NBAS: variants seen among roughly 807,000 people sequenced by gnomAD.
The protein encoded by NBAS is NBAS subunit of NRZ tethering complex.
Under a neutral mutation model 302.5 loss-of-function variants are expected in NBAS, and 219 were observed. That is an observed-to-expected ratio of 0.72 (90% CI 0.65 to 0.81). NBAS has a LOEUF of 0.81. Among genes scored for constraint, NBAS ranks in the 30% least tolerant of loss-of-function variants. The pLI, the probability that NBAS is intolerant of heterozygous loss-of-function variation, is 0.00. For synonymous variants in NBAS, 1,118 were observed against 1,021.6 expected (o/e 1.09, Z -1.80); for missense variants, 2,932 against 2,841.6 (o/e 1.03, Z -0.72).
intron 25 of NBAS, among the ~76,000 whole-genome samples, chr2:15,408,407 C>A (rs1572801114): frequency 6.6e-6 from 1 of 152,076 alleles, no homozygotes; most frequent in East Asian, 1.9e-4. Context: ...AATTTATACA[C>A]TGAATGCTTT....
chr2:15,047,474 G>T, the NBAS span, among the ~76,000 whole-genome samples: 13 of 151,806 alleles, frequency 8.6e-5, no homozygotes, highest in Non-Finnish European at 1.5e-4. Context: ...GCAGGTAAAG[G>T]CTGGCCTTAT....
At chr2:15,478,604 T>G (rs563798945) in intron 12 of NBAS, among the ~76,000 whole-genome samples, 1 of 152,194 alleles carries the variant, frequency 6.6e-6, no homozygotes, top group African/African-American at 2.4e-5. Flanking sequence ...CATGCACACA[T>G]GTGATGAATA....
At chr2:15,121,218 C>A in the NBAS span, among the ~76,000 whole-genome samples, 1 of 152,148 alleles carries the variant, frequency 6.6e-6, no homozygotes, top group African/African-American at 2.4e-5. Context: ...GCTTTGACAT[C>A]CTGAAGAACA....
At position 15,396,494 on chromosome 2, in the gene NBAS, A is replaced by G; in HGVS notation, c.3072-19T>C. The G allele has an allele frequency of 7.6e-7, 1 of 1,314,130 alleles. No individual in the cohort carries two copies. Among genetic ancestry groups the G allele is most frequent in the South Asian group, 1.6e-5 (1 of 62,472 alleles). The allele number at this position is 1,314,130 out of a possible 1,614,324, so 81.4% of individuals were successfully genotyped here. A position where few individuals can be genotyped will look rare whatever the true frequency, so the allele number is the denominator to read the frequency against. ...CTTATCACTAATAAATTAAAAGAAGAAAAAAAAAAGCCCTTAAGTTTAGTA... is the reference window on the plus strand; with the variant it reads ...CTTATCACTAATAAATTAAAAGAAGGAAAAAAAAAGCCCTTAAGTTTAGTA... On this transcript the variant is annotated intron_variant, in intron 26 of 51. Coordinates refer to ENST00000281513, the MANE Select transcript of NBAS (RefSeq NM_015909.4).
At chr2:15,211,000 G>A (rs1666382613) in intron 48 of NBAS, among the ~76,000 whole-genome samples, 1 of 152,136 alleles carries the variant, frequency 6.6e-6, no homozygotes, top group Non-Finnish European at 1.5e-5. Context: ...TGTTACAGGG[G>A]AAGTGGATGA....
At chr2:15,356,619 T>C (rs1004946371) in intron 32 of NBAS, among the ~76,000 whole-genome samples, 1 of 152,200 alleles carries the variant, frequency 6.6e-6, no homozygotes, top group Non-Finnish European at 1.5e-5. Context: ...AAGAGATCAA[T>C]GATTAATATT....
intron 35 of NBAS, among the ~76,000 whole-genome samples, chr2:15,350,020 C>G (rs930433609): frequency 6.6e-6 from 1 of 151,968 alleles, no homozygotes; most frequent in Admixed American, 6.6e-5. Flanking sequence ...ACATTACAAC[C>G]CTCTTTGAGA....
At chr2:15,093,695 T>A in the NBAS span, among the ~76,000 whole-genome samples, 2 of 151,958 alleles carry the variant, frequency 1.3e-5, no homozygotes, top group African/African-American at 2.4e-5. Flanking sequence ...TGTCCAACAC[T>A]GGTTAAATAA....
intron 11 of NBAS, among the ~76,000 whole-genome samples, chr2:15,499,062 G>A (rs1471866491): frequency 6.6e-6 from 1 of 151,750 alleles, no homozygotes; most frequent in African/African-American, 2.4e-5. Context: ...CCAAGTAGCT[G>A]AAATGACAAG....
In NBAS at chr2:15,553,484, G is replaced by C. The variant is rs199665424; in HGVS notation, c.288-11C>G. ...AAAAGCTTTCCATTGCTTTTATGGAGAAGAAAGAGGGGGAAGAAAATCTAT... is the reference window on the plus strand; with the variant it reads ...AAAAGCTTTCCATTGCTTTTATGGACAAGAAAGAGGGGGAAGAAAATCTAT... On this transcript the variant is annotated splice_polypyrimidine_tract_variant and intron_variant, in intron 4 of 51. Transcript: ENST00000281513. 4.1e-4 allele frequency: 659 copies of C among 1,606,950 alleles called. No homozygotes were observed. The highest frequency in any genetic ancestry group is 1.2e-3 in the Admixed American group (70 of 60,010).
In NBAS at chr2:15,459,503, C is replaced by CTTTTTTTTTTTTTTTT. The variant is rs66914120; in HGVS notation, c.2339+1697_2339+1698insAAAAAAAAAAAAAAAA. ...GAAAAAAGCATCCTGAGCATTTTTT[C>CTTTTTTTTTTTTTTTT]TTTTTTTTTGAGATGGAGTCTCGTT... On this transcript the variant is annotated intron_variant, in intron 21 of 51. Coordinates refer to ENST00000281513, the MANE Select transcript of NBAS (RefSeq NM_015909.4). Among the ~76,000 whole-genome samples the CTTTTTTTTTTTTTTTT allele has an allele frequency of 1.1e-4, 16 of 141,422 alleles. 2 individuals are homozygous for CTTTTTTTTTTTTTTTT. The highest frequency in any genetic ancestry group is 2.0e-4 in the East Asian group (1 of 4,992). The allele number at this position is 141,422 out of a possible 152,430, so 92.8% of individuals were successfully genotyped here. A position where few individuals can be genotyped will look rare whatever the true frequency, so the allele number is the denominator to read the frequency against.
chr2:14,998,493 T>A, the NBAS span, among the ~76,000 whole-genome samples: 1 of 152,224 alleles, frequency 6.6e-6, no homozygotes, highest in East Asian at 1.9e-4. Flanking sequence ...GGCGGTACCT[T>A]ACCTACGTGA....
intron 11 of NBAS, among the ~76,000 whole-genome samples, chr2:15,496,535 T>G (rs943575223): frequency 3.3e-5 from 5 of 152,122 alleles, no homozygotes; most frequent in African/African-American, 7.2e-5. Context: ...ATTTGTTTGA[T>G]GCAATTTCCT....
the NBAS span, among the ~76,000 whole-genome samples, chr2:15,128,489 T>C: frequency 2.0e-5 from 3 of 152,178 alleles, no homozygotes; most frequent in African/African-American, 7.2e-5. Flanking sequence ...AGGTACAATC[T>C]CTTGCCAAAA....
chr2:14,932,058 A>G, the NBAS span, among the ~76,000 whole-genome samples: 1 of 152,192 alleles, frequency 6.6e-6, no homozygotes, highest in Non-Finnish European at 1.5e-5. Flanking sequence ...AAATGTCTTT[A>G]CTTCTCATTG....
chr2:15,198,203 TTA>T (rs1351934246), intron 48 of NBAS, among the ~76,000 whole-genome samples: 1 of 152,228 alleles, frequency 6.6e-6, no homozygotes, highest in East Asian at 1.9e-4. Context: ...GAATGCTCAT[TTA>T]TATATTTAGT....
chr2:14,880,186 A>G, the NBAS span, among the ~76,000 whole-genome samples: 3 of 152,152 alleles, frequency 2.0e-5, no homozygotes, highest in Non-Finnish European at 4.4e-5. Flanking sequence ...GCCCTTGAAC[A>G]AAGAAACCCG....
At chr2:15,173,602 A>G (rs1171258043) in intron 51 of NBAS, among the ~76,000 whole-genome samples, 3 of 152,242 alleles carry the variant, frequency 2.0e-5, no homozygotes, top group African/African-American at 7.2e-5. Context: ...TGAATATGAT[A>G]TGCAGTTTCC....
chr2:14,850,275 A>G, the NBAS span, among the ~76,000 whole-genome samples: 2 of 126,434 alleles, frequency 1.6e-5, no homozygotes, highest in Admixed American at 7.2e-5. Flanking sequence ...CAGGGGTTGC[A>G]ATCCTAGTCT....
Sources: allele counts gnomAD v4.1 joint callset (sites outside exome capture counted in the v4.1 genomes callset), GRCh38; gene constraint gnomAD v4.1.1; transcripts MANE v1.5; gene names NCBI Gene and HGNC (gene_info 2026-07-23, HGNC 2026-07-21).